USP45: variants seen among roughly 807,000 people sequenced by gnomAD.
USP45 encodes ubiquitin specific peptidase 45, also known as ubiquitin carboxyl-terminal hydrolase 45.
A neutral mutation model predicts 95.8 loss-of-function variants in USP45; 89 were observed. That is an observed-to-expected ratio of 0.93 (90% confidence interval 0.78 to 1.11). The LOEUF (loss-of-function observed/expected upper bound fraction) is 1.11, where lower values mean the gene tolerates loss of function less well. USP45 is among the 50% of genes least tolerant of loss of function. The pLI is 0.00. For synonymous variants in USP45, 281 were observed against 316.2 expected (o/e 0.89, Z 1.18); for missense variants, 898 against 942.5 (o/e 0.95, Z 0.62).
At chr6:99,474,425 T>C (rs189244486) in intron 9 of USP45, among the ~76,000 whole-genome samples, 18 of 152,274 alleles carry the variant, frequency 1.2e-4, no homozygotes, top group Middle Eastern at 6.8e-3. Context: ...CTGAAATTCC[T>C]GAGCTCAAGT....
intron 5 of USP45, among the ~76,000 whole-genome samples, chr6:99,495,454 G>C (rs1796097193): frequency 6.6e-6 from 1 of 152,166 alleles, no homozygotes; most frequent in African/African-American, 2.4e-5. Context: ...TTTAGAGTCG[G>C]ATAGTTTGAG....
Position 99,435,629 on chromosome 6 carries a change from G to A in USP45, c.*87C>T. 1.7e-6 allele frequency: 2 copies of A among 1,178,062 alleles called. No homozygotes were observed. The highest frequency in any genetic ancestry group is 3.1e-5 in the African/African-American group (2 of 64,050). The allele number at this position is 1,178,062 out of a possible 1,614,324, so 73.0% of individuals were successfully genotyped here. A position where few individuals can be genotyped will look rare whatever the true frequency, so the allele number is the denominator to read the frequency against. On this transcript the variant is annotated 3_prime_UTR_variant, in exon 18 of 18. Coordinates refer to ENST00000500704, the MANE Select transcript of USP45 (RefSeq NM_001346022.3). ...AGGAACATGCTATTCCTACAGAAGA[G>A]GGAAGACTAGAAAGGCACATTATAT...
intron 5 of USP45, among the ~76,000 whole-genome samples, chr6:99,489,775 C>G (rs192489467): frequency 1.3e-3 from 199 of 151,938 alleles, no homozygotes; most frequent in African/African-American, 4.4e-3. Context: ...GGTGAAAGCC[C>G]GTCTCTACTA....
At chr6:99,477,637 C>G (rs1256886618) in intron 8 of USP45, among the ~76,000 whole-genome samples, 1 of 152,132 alleles carries the variant, frequency 6.6e-6, no homozygotes, top group Admixed American at 6.5e-5. Flanking sequence ...CAGCATTATT[C>G]TTCATTATCT....
At chr6:99,488,877 A>T in intron 5 of USP45, 57 bp from the exon 6 acceptor site, 1 of 1,306,144 alleles carries the variant, frequency 7.7e-7, no homozygotes, top group Non-Finnish European at 1.0e-6. Flanking sequence ...ATGTCACTTA[A>T]CATAATTTAT....
chr6:99,502,351 A>G (rs1302882217), intron 5 of USP45, among the ~76,000 whole-genome samples: 2 of 152,170 alleles, frequency 1.3e-5, no homozygotes, highest in African/African-American at 4.8e-5. Context: ...TTGTTAGTAC[A>G]GCACTTTCCT....
Position 99,437,370 on chromosome 6 carries a change from G to T in USP45, c.2190C>A (p.Tyr730Ter), listed in dbSNP as rs118066385. 1.6e-3 allele frequency: 2,570 copies of T among 1,604,240 alleles called. 4 individuals carry two copies. Among genetic ancestry groups the T allele is most frequent in the Non-Finnish European group, 1.9e-3 (2,201 of 1,177,328 alleles). The change falls in exon 17 of 18, where the codon TAC becomes TAA. Residue 730 changes from tyrosine (Y) to a stop codon, truncating the protein, a stop_gained. Coordinates refer to ENST00000500704, the MANE Select transcript of USP45 (RefSeq NM_001346022.3). LOFTEE classifies it high-confidence loss of function. ...TATGTTCCACTATGCCATAGAGACCGTAGAGAACTTTATCTCCCACACTTG... is the reference window on the plus strand; with the variant it reads ...TATGTTCCACTATGCCATAGAGACCTTAGAGAACTTTATCTCCCACACTTG... ...KNASVGDKVL[Y>*]GLYGIVEHSG... is the part of the protein sequence containing the mutation.
At chr6:99,439,974 T>A (rs573236023) in intron 15 of USP45, 119 bp from the exon 16 acceptor site, 1 of 594,214 alleles carries the variant, frequency 1.7e-6, no homozygotes, top group Non-Finnish European at 2.8e-6. Flanking sequence ...AAAATGTGAC[T>A]AATGTATAGT....
intron 8 of USP45, among the ~76,000 whole-genome samples, chr6:99,478,225 T>TG (rs2128687572): frequency 9.2e-6 from 1 of 108,346 alleles, no homozygotes; most frequent in South Asian, 2.3e-4. Context: ...GATTTGTTTT[T>TG]TTTTTTTTTT....
intron 5 of USP45, among the ~76,000 whole-genome samples, chr6:99,494,514 T>TA (rs904034029): frequency 9.4e-5 from 14 of 149,114 alleles, no homozygotes; most frequent in Non-Finnish European, 7.5e-5. Context: ...CTAAGAACTT[T>TA]AAAAAAAAAA....
At chr6:99,449,624 T>A (rs780834788) in intron 13 of USP45, among the ~76,000 whole-genome samples, 1 of 143,642 alleles carries the variant, frequency 7.0e-6, no homozygotes, top group East Asian at 1.9e-4. Context: ...GACAGATCAA[T>A]GAGACAGAAA....
intron 5 of USP45, among the ~76,000 whole-genome samples, chr6:99,492,563 A>G (rs1187130039): frequency 6.6e-6 from 1 of 150,544 alleles, no homozygotes; most frequent in Non-Finnish European, 1.5e-5. Context: ...GTGTGATCTC[A>G]GCTCCACTGC....
chr6:99,435,648 A>G lies in USP45; in HGVS notation c.*68T>C. On this transcript the variant is annotated 3_prime_UTR_variant, in exon 18 of 18. Coordinates refer to ENST00000500704, the MANE Select transcript of USP45 (RefSeq NM_001346022.3). ...AGAAGAGGGAAGACTAGAAAGGCAC[A>G]TTATATATTATAGTTATCACTGTGG... 7.2e-7 allele frequency: 1 copy of G among 1,388,298 alleles called. No individual in the cohort carries two copies. Among genetic ancestry groups the G allele is most frequent in the Non-Finnish European group, 9.8e-7 (1 of 1,020,718 alleles). 86.0% of individuals were successfully genotyped at this position (1,388,298 alleles called of 1,614,324 possible). A position where few individuals can be genotyped will look rare whatever the true frequency, so the allele number is the denominator to read the frequency against.
intron 9 of USP45, 128 bp from the exon 10 acceptor site, chr6:99,468,746 C>G: frequency 1.8e-6 from 1 of 552,186 alleles, no homozygotes. Context: ...AATAAAATGA[C>G]CAAATTTTTT....
intron 4 of USP45, among the ~76,000 whole-genome samples, chr6:99,506,023 C>T (rs929790354): frequency 1.3e-5 from 2 of 152,182 alleles, no homozygotes; most frequent in African/African-American, 2.4e-5. Flanking sequence ...CTCCCCAGTA[C>T]TACTACTTGG....
chr6:99,475,516 A>G (rs750815415), intron 9 of USP45, among the ~76,000 whole-genome samples: 34 of 151,960 alleles, frequency 2.2e-4, no homozygotes, highest in Non-Finnish European at 5.9e-5. Flanking sequence ...GGGTTTCAGC[A>G]TGTTTCCCAG....
intron 17 of USP45, among the ~76,000 whole-genome samples, 191 bp downstream of exon 17, chr6:99,437,055 C>T (rs562299049): frequency 7.2e-5 from 11 of 152,276 alleles, no homozygotes; most frequent in South Asian, 2.1e-4. Flanking sequence ...GAGCCAAGAT[C>T]GTGCCACTGC....
At position 99,465,179 on chromosome 6, in the gene USP45, T is replaced by C. The variant is rs754086755; in HGVS notation, c.1108-43A>G. 5 of 1,500,014 alleles carry C rather than the reference T, an allele frequency of 3.3e-6. No homozygotes were observed. In the African/African-American group the frequency reaches 4.2e-5, roughly 12 times the overall value. The allele number at this position is 1,500,014 out of a possible 1,614,324, so 92.9% of individuals were successfully genotyped here. On this transcript the variant is annotated intron_variant, in intron 11 of 17. Coordinates refer to ENST00000500704, the MANE Select transcript of USP45 (RefSeq NM_001346022.3). The stretch of plus-strand genomic sequence containing the variant: ...TTGAAAACTTCAGTTAGAATTCTAA[T>C]ATAAACATACAGTTTTGTAAAGTAC...
At chr6:99,484,118 G>A (rs749397886) in intron 7 of USP45, among the ~76,000 whole-genome samples, 8 of 145,470 alleles carry the variant, frequency 5.5e-5, no homozygotes, top group Non-Finnish European at 9.0e-5. Context: ...TCGCAGGCAT[G>A]AGCCACCACA....
Sources: allele counts gnomAD v4.1 joint callset (sites outside exome capture counted in the v4.1 genomes callset), GRCh38; gene constraint gnomAD v4.1.1; transcripts MANE v1.5; gene names NCBI Gene and HGNC (gene_info 2026-07-23, HGNC 2026-07-21).